PARVB: variants seen among roughly 807,000 people sequenced by gnomAD.
PARVB encodes beta-parvin.
Under a neutral mutation model 47.0 loss-of-function variants are expected in PARVB, and 46 were observed. The observed-to-expected ratio is 0.98, with a 90% CI of 0.77 to 1.25. The LOEUF is 1.25. Among genes scored for constraint, PARVB ranks in the 50% most tolerant of loss-of-function variants. The probability of loss-of-function intolerance (pLI) is 0.00; values close to 1 mark genes in which losing one functional copy is unlikely to be tolerated. For missense variants in PARVB, 473 were observed against 471.6 expected (o/e 1.00, Z -0.03); for synonymous variants, 196 against 196.3 (o/e 1.00, Z 0.01).
intron 11 of PARVB, among the ~76,000 whole-genome samples, chr22:44,158,729 G>C (rs2053989323): frequency 6.6e-6 from 1 of 152,350 alleles, no homozygotes; most frequent in Admixed American, 6.5e-5. Context: ...TCTGCCCTCT[G>C]TCCAGGGCTT....
Position 44,172,906 on chromosome 22 carries a change from G to A in PARVB, c.*4228G>A. On this transcript the variant is annotated 3_prime_UTR_variant, in exon 13 of 13. Coordinates refer to ENST00000338758, the MANE Select transcript of PARVB (RefSeq NM_013327.5). ...ACAATGCCACGTGGCGTCACAGTAT[G>A]CTGTTATTTATTCCAATAAAGACCT... is the stretch of plus-strand genomic sequence containing the variant. 8.9e-7 allele frequency: 1 copy of A among 1,122,130 alleles called. No individual in the cohort carries two copies. Among genetic ancestry groups the A allele is most frequent in the East Asian group, 5.8e-5 (1 of 17,146 alleles). 69.5% of individuals were successfully genotyped at this position (1,122,130 alleles called of 1,614,324 possible).
Position 44,172,731 on chromosome 22 carries a change from A to G in PARVB, c.*4053A>G. ...TTCTTAATTGTTTTAAGCAATGTTTACTTTGGATTTCTGGATGTTATATAA... is the reference window on the plus strand; with the variant it reads ...TTCTTAATTGTTTTAAGCAATGTTTGCTTTGGATTTCTGGATGTTATATAA... On this transcript the variant is annotated 3_prime_UTR_variant, in exon 13 of 13. Transcript: ENST00000338758. The G allele has an allele frequency of 3.4e-6, 1 of 293,780 alleles. No homozygotes were observed. Among genetic ancestry groups the G allele is most frequent in the South Asian group, 2.7e-5 (1 of 36,840 alleles). 18.2% of individuals were successfully genotyped at this position (293,780 alleles called of 1,614,324 possible).
At chr22:44,065,177 C>T (rs1569086917) in intron 1 of PARVB, among the ~76,000 whole-genome samples, 2 of 151,830 alleles carry the variant, frequency 1.3e-5, no homozygotes, top group African/African-American at 2.4e-5. Context: ...TTGTGGGGAC[C>T]CTTTGTCTAT....
chr22:44,005,091 A>T (rs1381795270), intron 2 of PARVB, among the ~76,000 whole-genome samples: 1 of 152,112 alleles, frequency 6.6e-6, no homozygotes. Context: ...GATTAAAAAA[A>T]TTTTATAGTT....
intron 11 of PARVB, among the ~76,000 whole-genome samples, chr22:44,163,125 C>A (rs1040528216): frequency 5.9e-5 from 9 of 152,142 alleles, no homozygotes; most frequent in Admixed American, 5.2e-4. Flanking sequence ...GCCTGCGTGC[C>A]TCTGCACGGG....
intron 1 of PARVB, among the ~76,000 whole-genome samples, chr22:44,079,457 A>C (rs1475333583): frequency 6.6e-6 from 1 of 152,172 alleles, no homozygotes; most frequent in Non-Finnish European, 1.5e-5. Flanking sequence ...GCTGTGTCTG[A>C]AAACGTCAAG....
At chr22:44,143,089 C>T (rs1310108600) in intron 8 of PARVB, 1 of 152,526 alleles carries the variant, frequency 6.6e-6, no homozygotes, top group Non-Finnish European at 1.5e-5. Flanking sequence ...CCATGGCTCA[C>T]TCTTTCAGCT....
intron 1 of PARVB, among the ~76,000 whole-genome samples, chr22:44,064,002 C>T (rs2051470481): frequency 6.6e-6 from 1 of 152,226 alleles, no homozygotes; most frequent in African/African-American, 2.4e-5. Flanking sequence ...GATCGCTTTC[C>T]TCCTCGGTTT....
At chr22:44,023,036 T>C (rs1338228408), upstream of PARVB, among the ~76,000 whole-genome samples, 5 of 151,668 alleles carry the variant, frequency 3.3e-5, no homozygotes. Context: ...TGCGAGCCAC[T>C]GCACCTGGCC....
At position 44,167,024 on chromosome 22, in the gene PARVB, C is replaced by T. The variant is rs769051820; in HGVS notation, c.1019-1578C>T. Among the ~76,000 whole-genome samples the T allele has an allele frequency of 2.1e-3, 319 of 152,264 alleles. 1 individual carries two copies. The highest frequency in any genetic ancestry group is 1.7e-3 in the Non-Finnish European group (118 of 68,000). Reference sequence around the variant, plus strand: ...TGAGACTGCCCTGTTGGTCCCCACCCGGAGGAAGCAGAGCAGTCTCACACC... The same window carrying T: ...TGAGACTGCCCTGTTGGTCCCCACCTGGAGGAAGCAGAGCAGTCTCACACC... On this transcript the variant is annotated intron_variant, in intron 12 of 12. Transcript: ENST00000338758.
chr22:44,166,069 C>G (rs1038219875), intron 12 of PARVB, among the ~76,000 whole-genome samples: 7 of 152,234 alleles, frequency 4.6e-5, no homozygotes, highest in Non-Finnish European at 1.0e-4. Flanking sequence ...CCCTTTGCCT[C>G]TGAGCTGCTG....
intron 10 of PARVB, among the ~76,000 whole-genome samples, chr22:44,154,127 C>T (rs1316500199): frequency 1.3e-5 from 2 of 152,218 alleles, no homozygotes; most frequent in African/African-American, 2.4e-5. Context: ...GTCTGCACAT[C>T]AGTATTAGCA....
rs769846775 is a variant in PARVB at position 44,132,994 on chromosome 22, G to GGT, written c.620_621dup (p.Val208TrpfsTer20). Reference sequence around the variant, plus strand: ...GCCTTCCTGAGCATGTAACGGTGCAGGTGGTGGTCGTGCGGGTGAGTATAA... The same window carrying GGT: ...GCCTTCCTGAGCATGTAACGGTGCAGGTGTGGTGGTCGTGCGGGTGAGTATAA... On this transcript the variant is annotated frameshift_variant, in exon 6 of 13. Coordinates refer to ENST00000338758, the MANE Select transcript of PARVB (RefSeq NM_013327.5). LOFTEE classifies it high-confidence loss of function. 2 of 1,613,636 alleles carry GGT rather than the reference G, an allele frequency of 1.2e-6. No homozygotes were observed. Among genetic ancestry groups the GGT allele is most frequent in the South Asian group, 2.2e-5 (2 of 91,034 alleles).
chr22:44,158,473 C>T (rs1281062061), intron 11 of PARVB, among the ~76,000 whole-genome samples: 1 of 152,234 alleles, frequency 6.6e-6, no homozygotes, highest in East Asian at 1.9e-4. Context: ...CCAAGGATGG[C>T]TCTGTTACCA....
At chr22:44,076,630 G>A (rs1309234818) in intron 1 of PARVB, among the ~76,000 whole-genome samples, 1 of 152,288 alleles carries the variant, frequency 6.6e-6, no homozygotes, top group South Asian at 2.1e-4. Flanking sequence ...CAGGGAGCAC[G>A]AGTTGTTTAT....
intron 1 of PARVB, among the ~76,000 whole-genome samples, chr22:44,055,556 A>T (rs1276661357): frequency 6.6e-6 from 1 of 151,484 alleles, no homozygotes; most frequent in African/African-American, 2.4e-5. Context: ...GATGATCTCG[A>T]TCTCCTGACC....
At chr22:44,096,010 C>T (rs573539027) in intron 2 of PARVB, among the ~76,000 whole-genome samples, 2 of 152,152 alleles carry the variant, frequency 1.3e-5, no homozygotes, top group South Asian at 2.1e-4. Flanking sequence ...GATCACCTGA[C>T]GTCAGGAGTT....
At chr22:44,032,805 G>A (rs1450659880) in intron 1 of PARVB, among the ~76,000 whole-genome samples, 1 of 152,182 alleles carries the variant, frequency 6.6e-6, no homozygotes, top group African/African-American at 2.4e-5. Flanking sequence ...TTCTGTGGCT[G>A]AGTCTGGGCT....
intron 4 of PARVB, among the ~76,000 whole-genome samples, chr22:44,120,272 A>C (rs1468080822): frequency 6.6e-6 from 1 of 152,202 alleles, no homozygotes; most frequent in Admixed American, 6.5e-5. Flanking sequence ...GGTTGTCCCC[A>C]CGATGCCTTT....
Sources: gnomAD v4.1 joint callset for allele counts (sites outside exome capture counted in the v4.1 genomes callset) on GRCh38, gnomAD v4.1.1 for gene constraint, MANE v1.5 for transcripts, NCBI Gene and HGNC (gene_info 2026-07-23, HGNC 2026-07-21) for gene names.